The following C9orf78 variants were observed in gnomAD, a reference collection of about 807,000 sequenced individuals.
C9orf78 encodes splicing factor C9orf78.
A neutral mutation model predicts 37.4 loss-of-function variants in C9orf78; 19 were observed. The observed-to-expected ratio is 0.51, with a 90% CI of 0.35 to 0.74. The LOEUF is 0.74. C9orf78 is among the 30% of genes least tolerant of loss of function. The probability of loss-of-function intolerance (pLI) is 0.01; values close to 1 mark genes in which losing one functional copy is unlikely to be tolerated. For synonymous variants in C9orf78, 130 were observed against 128.0 expected (o/e 1.02, Z -0.10); for missense variants, 291 against 370.8 (o/e 0.78, Z 1.77).
At chr9:129,831,395 A>C (rs1289034408) in intron 5 of C9orf78, 4 of 336,168 alleles carry the variant, frequency 1.2e-5, no homozygotes, top group Non-Finnish European at 2.2e-5. Flanking sequence ...AAATATTACT[A>C]GTCATGAAAC....
rs1010229240 is a variant in C9orf78, at chr9:129,828,157, C to G, written c.*4G>C. 2 of 1,534,242 alleles carry G rather than the reference C, an allele frequency of 1.3e-6. No homozygotes were observed. Among genetic ancestry groups the G allele is most frequent in the African/African-American group, 2.7e-5 (2 of 73,302 alleles). ...GGCGATATTTACATCCCACTCTGCA[C>G]AACTCAGTACCGCCTATTCATTTTC... is the stretch of plus-strand genomic sequence containing the variant. On this transcript the variant is annotated 3_prime_UTR_variant, in exon 9 of 9. Transcript: ENST00000372447.
At chr9:129,828,382 C>G in intron 8 of C9orf78, 130 bp from the exon 9 acceptor site, 1 of 638,676 alleles carries the variant, frequency 1.6e-6, no homozygotes, top group Non-Finnish European at 2.9e-6. Flanking sequence ...CCAGTGAACA[C>G]AGTAGGGCCT....
Position 129,835,213 on chromosome 9 carries a change from G to A in C9orf78, c.9C>T (p.Val3=), listed in dbSNP as rs779302258. The part of the protein sequence containing the change: MP[V]VRKIFRRRRG... ...GGCGGCGACGGAAAATCTTCCGGAC[G>A]ACCGGCATGGTGACAACGGCCGAGT... The change falls in exon 1 of 9, where the codon GTC becomes GTT. Residue 3 remains valine, a synonymous_variant. Transcript: ENST00000372447. The A allele has an allele frequency of 1.2e-6, 2 of 1,608,862 alleles. No individual in the cohort carries two copies. Among genetic ancestry groups the A allele is most frequent in the Admixed American group, 1.7e-5 (1 of 59,696 alleles).
intron 2 of C9orf78, 39 bp downstream of exon 2, chr9:129,834,668 G>A: frequency 2.0e-6 from 3 of 1,496,788 alleles, no homozygotes; most frequent in Non-Finnish European, 1.9e-6. Context: ...TGTGTCTGTC[G>A]TCCCCGCCGC....
rs573590381 is a variant in C9orf78, at chr9:129,829,604, T to G, written c.543-63A>C. The G allele has an allele frequency of 7.9e-5, 117 of 1,482,240 alleles. No homozygotes were observed. In the South Asian group the frequency reaches 1.4e-3, roughly 17 times the overall value. 91.8% of individuals were successfully genotyped at this position (1,482,240 alleles called of 1,614,324 possible). A position where few individuals can be genotyped will look rare whatever the true frequency, so the allele number is the denominator to read the frequency against. ...TAGCACCTTACTACTCAGACATGAG[T>G]GGTGAGGCTGGCAGCCCAGCAGTAC... On this transcript the variant is annotated intron_variant, in intron 6 of 8. Transcript: ENST00000372447.
At position 129,829,483 on chromosome 9, in the gene C9orf78, G is replaced by A. The variant is rs1404733018; in HGVS notation, c.601C>T (p.Gln201Ter). ...TCGCTGTCTTTCTTCTTGTTCTGCTGCTCTGCCAGCAGACGGGCCTTGGCA... is the reference window on the plus strand; with the variant it reads ...TCGCTGTCTTTCTTCTTGTTCTGCTACTCTGCCAGCAGACGGGCCTTGGCA... ...EDAKARLLAE[Q>*]QNKKKDSETS... is the part of the protein sequence containing the mutation. The change falls in exon 7 of 9, where the codon CAG becomes TAG. Residue 201 changes from glutamine (Q) to a stop codon, truncating the protein, a stop_gained. Transcript: ENST00000372447. LOFTEE classifies it high-confidence loss of function. The A allele has an allele frequency of 1.2e-6, 2 of 1,613,866 alleles. No individual in the cohort carries two copies. Among genetic ancestry groups the A allele is most frequent in the Non-Finnish European group, 1.7e-6 (2 of 1,179,844 alleles).
At position 129,835,272 on chromosome 9, in the gene C9orf78, G is replaced by A. The variant is rs748868375; in HGVS notation, c.-51C>T. ...CGCCGCGCCTCTGCGCAGCGGCCCA[G>A]GCTGCTTCCGGCGCGCGGCAGAGCG... On this transcript the variant is annotated 5_prime_UTR_variant, in exon 1 of 9. Coordinates refer to ENST00000372447, the MANE Select transcript of C9orf78 (RefSeq NM_016520.3). 1.6e-4 allele frequency: 209 copies of A among 1,336,066 alleles called. No individual in the cohort carries two copies. The highest frequency in any genetic ancestry group is 1.8e-4 in the Non-Finnish European group (177 of 956,826). 82.8% of individuals were successfully genotyped at this position (1,336,066 alleles called of 1,614,324 possible).
Position 129,829,351 on chromosome 9 carries a change from G to A in C9orf78, c.680-48C>T, listed in dbSNP as rs910607987. 4 of 1,603,280 alleles carry A rather than the reference G, an allele frequency of 2.5e-6. No individual in the cohort carries two copies. The African/African-American group carries it at 5.4e-5, about 22-fold the overall frequency. ...ACACGTTAGAACATGAGGTTCCTAGGGATCTCAGCCCAAATAGGGGAATGG... is the reference window on the plus strand; with the variant it reads ...ACACGTTAGAACATGAGGTTCCTAGAGATCTCAGCCCAAATAGGGGAATGG... On this transcript the variant is annotated intron_variant, in intron 7 of 8. Coordinates refer to ENST00000372447, the MANE Select transcript of C9orf78 (RefSeq NM_016520.3).
At chr9:129,834,265 G>C (rs2031611850) in intron 2 of C9orf78, 1 of 181,496 alleles carries the variant, frequency 5.5e-6, no homozygotes, top group Non-Finnish European at 1.1e-5. Flanking sequence ...CTGAGAGAGA[G>C]AGACGAAAAA....
At position 129,829,204 on chromosome 9, in the gene C9orf78, C is replaced by T; in HGVS notation, c.778+1G>A. ...AGCCCCGAGGCCTTTGTTGCACTCA[C>T]GCTCAGGCTCTGGCTTCTCCGTGTC... On this transcript the variant is annotated splice_donor_variant, in intron 8 of 8. Transcript: ENST00000372447. LOFTEE classifies it high-confidence loss of function. 2 of 1,610,774 alleles carry T rather than the reference C, an allele frequency of 1.2e-6. No homozygotes were observed. Among genetic ancestry groups the T allele is most frequent in the Middle Eastern group, 1.7e-4 (1 of 6,060 alleles).
In C9orf78 at chr9:129,833,351, A is replaced by G. The variant is rs183255263; in HGVS notation, c.266+96T>C. The G allele has an allele frequency of 5.2e-5, 38 of 733,666 alleles. No homozygotes were observed. In the East Asian group the frequency reaches 9.3e-4, roughly 18 times the overall value. 45.4% of individuals were successfully genotyped at this position (733,666 alleles called of 1,614,324 possible). On this transcript the variant is annotated intron_variant, in intron 4 of 8. Transcript: ENST00000372447. ...CACAAAACCTGCTTCAAGATGTCCT[A>G]CTAATGCTGCTGCTACAGGCCCCAG...
rs1020427573 is a variant in C9orf78, at chr9:129,834,875, G to T, written c.84-109C>A. 1.0e-4 allele frequency: 90 copies of T among 872,992 alleles called. No individual in the cohort carries two copies. The African/African-American group carries it at 1.4e-3, about 13-fold the overall frequency. The allele number at this position is 872,992 out of a possible 1,614,324, so 54.1% of individuals were successfully genotyped here. A position where few individuals can be genotyped will look rare whatever the true frequency, so the allele number is the denominator to read the frequency against. On this transcript the variant is annotated intron_variant, in intron 1 of 8. Transcript: ENST00000372447. ...TCGAGGGCATCCCAGCCCAGCTACT[G>T]AGCCACCAGCACAGTGGTCCAGAGG... is the stretch of plus-strand genomic sequence containing the variant.
chr9:129,833,430 G>A lies in C9orf78; in HGVS notation c.266+17C>T, dbSNP rs373743501. The A allele has an allele frequency of 2.2e-4, 338 of 1,515,998 alleles. No homozygotes were observed. The highest frequency in any genetic ancestry group is 2.6e-4 in the Non-Finnish European group (282 of 1,090,946). The allele number at this position is 1,515,998 out of a possible 1,614,324, so 93.9% of individuals were successfully genotyped here. On this transcript the variant is annotated intron_variant, in intron 4 of 8. Transcript: ENST00000372447. ...CCGCTAAAGGTGAATTTGCATCTAA[G>A]CTTGTCCTGAACTTACTTATCTTTG...
Position 129,829,484 on chromosome 9 carries a change from C to G in C9orf78, c.600G>C (p.Glu200Asp). The change falls in exon 7 of 9, where the codon GAG becomes GAC. Residue 200 changes from glutamate (E) to aspartate (D), a missense_variant. By Grantham distance (45) the Glu-to-Asp change is conservative. Around this residue, in one of 3 missense-constraint regions of C9orf78, gnomAD observed 120 missense variants for 148.7 expected, o/e 0.81. Transcript: ENST00000372447. ...TEDAKARLLA[E>D]QQNKKKDSET... Reference sequence around the variant, plus strand: ...CGCTGTCTTTCTTCTTGTTCTGCTGCTCTGCCAGCAGACGGGCCTTGGCAT... The same window carrying G: ...CGCTGTCTTTCTTCTTGTTCTGCTGGTCTGCCAGCAGACGGGCCTTGGCAT... 1 of 1,613,132 alleles carries G rather than the reference C, an allele frequency of 6.2e-7. No homozygotes were observed. Among genetic ancestry groups the G allele is most frequent in the Non-Finnish European group, 8.5e-7 (1 of 1,179,140 alleles).
chr9:129,833,417 A>G (rs368175187), intron 4 of C9orf78, 30 bp downstream of exon 4: 1 of 1,396,554 alleles, frequency 7.2e-7, no homozygotes, highest in African/African-American at 1.4e-5. Context: ...GCTAAAGGTG[A>G]ATTTGCATCT....
rs371644803 is a variant in C9orf78 at position 129,834,802 on chromosome 9, G to C, written c.84-36C>G. 7.3e-6 allele frequency: 11 copies of C among 1,500,968 alleles called. No homozygotes were observed. In the African/African-American group the frequency reaches 1.4e-4, roughly 19 times the overall value. The allele number at this position is 1,500,968 out of a possible 1,614,324, so 93.0% of individuals were successfully genotyped here. On this transcript the variant is annotated intron_variant, in intron 1 of 8. Coordinates refer to ENST00000372447, the MANE Select transcript of C9orf78 (RefSeq NM_016520.3). Reference sequence around the variant, plus strand: ...AAGAAGAAGCAGCAATGCATAAGCTGAGTGATTCCCCGCGGAATCCAAAGC... The same window carrying C: ...AAGAAGAAGCAGCAATGCATAAGCTCAGTGATTCCCCGCGGAATCCAAAGC...
chr9:129,834,597 AGT>A lies in C9orf78; in HGVS notation c.143+108_143+109del, dbSNP rs1216295827. On this transcript the variant is annotated intron_variant, in intron 2 of 8. Coordinates refer to ENST00000372447, the MANE Select transcript of C9orf78 (RefSeq NM_016520.3). ...CCAAGTTGGGCAGTGGAAGGTGTAC[AGT>A]GTGTCAAGAGAAAAATCTACGTCTG... 6.6e-6 allele frequency: 5 copies of A among 763,008 alleles called. No individual in the cohort carries two copies. In the East Asian group the frequency reaches 1.2e-4, roughly 19 times the overall value. 47.3% of individuals were successfully genotyped at this position (763,008 alleles called of 1,614,324 possible).
chr9:129,828,408 TGTC>T (rs1165977245), intron 8 of C9orf78, 156 bp from the exon 9 acceptor site: 4 of 446,576 alleles, frequency 9.0e-6, no homozygotes, highest in Admixed American at 8.9e-5. Flanking sequence ...GATACGTATT[TGTC>T]TTTTTTTTTT....
chr9:129,833,422 G>C, intron 4 of C9orf78, 25 bp downstream of exon 4: 1 of 1,435,006 alleles, frequency 7.0e-7, no homozygotes, highest in Non-Finnish European at 9.8e-7. Flanking sequence ...AGGTGAATTT[G>C]CATCTAAGCT....
Sources: gnomAD v4.1 joint callset for allele counts on GRCh38, gnomAD v4.1.1 for gene constraint, gnomAD v4.1.1 regional missense constraint, MANE v1.5 for transcripts, NCBI Gene and HGNC (gene_info 2026-07-23, HGNC 2026-07-21) for gene names.